FBLN7: variants seen among roughly 807,000 people sequenced by gnomAD.
FBLN7 encodes the protein fibulin 7.
In FBLN7, 31 loss-of-function variants were observed where a neutral mutation model predicts 44.0. The ratio of observed to expected loss-of-function variants is 0.70; its 90% confidence interval spans 0.53 to 0.95. FBLN7 has a LOEUF of 0.95. Ranked by LOEUF, FBLN7 falls within the 40% of genes least tolerant of loss-of-function variation. The pLI, the probability that FBLN7 is intolerant of heterozygous loss-of-function variation, is 0.00. For missense variants in FBLN7, 573 were observed against 618.5 expected (o/e 0.93, Z 0.78); for synonymous variants, 262 against 253.4 (o/e 1.03, Z -0.32).
chr2:112,211,855 A>C, the FBLN7 span: 1 of 152,224 alleles, frequency 6.6e-6, no homozygotes, highest in Non-Finnish European at 1.5e-5. Context: ...AGCACTTTTA[A>C]GATGAGTTGG....
intron 2 of FBLN7, among the ~76,000 whole-genome samples, chr2:112,160,103 G>C (rs1327516128): frequency 6.6e-6 from 1 of 152,148 alleles, no homozygotes; most frequent in Non-Finnish European, 1.5e-5. Flanking sequence ...CCATTCTCCT[G>C]CCTCAGCCTC....
At chr2:112,203,787 A>C in the FBLN7 span, among the ~76,000 whole-genome samples, 1 of 152,316 alleles carries the variant, frequency 6.6e-6, no homozygotes, top group East Asian at 1.9e-4. Flanking sequence ...GGCACTTCTT[A>C]CATGGCAGTG....
At position 112,181,787 on chromosome 2, in the gene FBLN7, C is replaced by T. The variant is rs747604486; in HGVS notation, c.581C>T (p.Pro194Leu). 1.4e-6 allele frequency: 2 copies of T among 1,454,392 alleles called. No homozygotes were observed. Among genetic ancestry groups the T allele is most frequent in the African/African-American group, 1.5e-5 (1 of 67,418 alleles). 90.1% of individuals were successfully genotyped at this position (1,454,392 alleles called of 1,614,324 possible). The change falls in exon 5 of 8, where the codon CCG (proline) becomes CTG (leucine). Residue 194 changes from proline to leucine, a missense_variant. Pro to Leu is a moderately conservative substitution (Grantham distance 98). Transcript: ENST00000331203. The stretch of plus-strand genomic sequence containing the variant: ...GGCGACTCCGCCTTCAGCCGCGCGC[C>T]GCGCTGTGCGCAGGTGGAGCGGGCT... ...VAGDSAFSRA[P>L]RCAQVERAQH...
chr2:112,190,807 G>A (rs536023594), downstream of FBLN7, among the ~76,000 whole-genome samples: 1 of 152,246 alleles, frequency 6.6e-6, no homozygotes, highest in African/African-American at 2.4e-5. Flanking sequence ...TAGACATCAA[G>A]GTCTGAGTGC....
At chr2:112,206,795 C>T in the FBLN7 span, among the ~76,000 whole-genome samples, 1 of 148,244 alleles carries the variant, frequency 6.7e-6, no homozygotes, top group Non-Finnish European at 1.5e-5. Context: ...TGCAGTGGCA[C>T]AATCACGACT....
intron 2 of FBLN7, among the ~76,000 whole-genome samples, chr2:112,160,042 G>C (rs1412624754): frequency 1.3e-5 from 2 of 151,962 alleles, no homozygotes; most frequent in Non-Finnish European, 2.9e-5. Context: ...CCAGGCTGGA[G>C]TGCAGTGGCG....
Position 112,185,229 on chromosome 2 carries a change from GGT to G in FBLN7, c.841_842del (p.Cys281ProfsTer19). On this transcript the variant is annotated frameshift_variant, in exon 7 of 8. Coordinates refer to ENST00000331203, the MANE Select transcript of FBLN7 (RefSeq NM_153214.3). LOFTEE classifies it high-confidence loss of function. ...TGGATGAATGTGTGGGCCTGCAGCC[GGT>G]GTGCCCCCAGGGGACCACATGCATC... Reference protein sequence around the residue: ...DVDECVGLQPVCPQGTTCINT... With the variant: ...DVDECVGLQPXCPQGTTCINT... 1.2e-6 allele frequency: 2 copies of G among 1,613,734 alleles called. No individual in the cohort carries two copies. The highest frequency in any genetic ancestry group is 1.7e-6 in the Non-Finnish European group (2 of 1,179,722).
chr2:112,204,041 A>G, the FBLN7 span, among the ~76,000 whole-genome samples: 2 of 152,148 alleles, frequency 1.3e-5, no homozygotes, highest in African/African-American at 4.8e-5. Flanking sequence ...CAGCTATTAT[A>G]AATATTTTCA....
chr2:112,160,722 GCA>G (rs1558879813), intron 2 of FBLN7, among the ~76,000 whole-genome samples: 2 of 106,092 alleles, frequency 1.9e-5, no homozygotes, highest in African/African-American at 7.5e-5. Flanking sequence ...ACAAGCACGC[GCA>G]CACGCACGCA....
Position 112,185,264 on chromosome 2 carries a change from G to A in FBLN7, c.872G>A (p.Gly291Asp), listed in dbSNP as rs374024290. ...CAGGGGACCACATGCATCAACACCG[G>A]TGGAAGCTTCCAGTGTGTCAGCCCT... ...CPQGTTCINT[G>D]GSFQCVSPEC... The change falls in exon 7 of 8, where the codon GGT becomes GAT. Residue 291 changes from glycine (G) to aspartate (D), a missense_variant. Gly to Asp is a moderately conservative substitution (Grantham distance 94). Transcript: ENST00000331203. 5.5e-5 allele frequency: 88 copies of A among 1,613,904 alleles called. No individual in the cohort carries two copies. Among genetic ancestry groups the A allele is most frequent in the Non-Finnish European group, 7.4e-5 (87 of 1,179,930 alleles).
the FBLN7 span, among the ~76,000 whole-genome samples, chr2:112,218,818 G>A: frequency 6.6e-6 from 1 of 152,120 alleles, no homozygotes; most frequent in Non-Finnish European, 1.5e-5. Flanking sequence ...ATCTATATAT[G>A]CAGATTTTAC....
the FBLN7 span, among the ~76,000 whole-genome samples, chr2:112,235,936 T>TAAA: frequency 1.7e-3 from 206 of 122,568 alleles, 3 homozygotes; most frequent in South Asian, 0.011. Flanking sequence ...AGTATAACAC[T>TAAA]AAAAAAAAAA....
intron 2 of FBLN7, among the ~76,000 whole-genome samples, chr2:112,160,770 GCAGACGCACACGCACGCACA>G (rs1681786655): frequency 2.8e-5 from 1 of 36,110 alleles, no homozygotes; most frequent in Non-Finnish European, 6.4e-5. Context: ...GCACGCACAC[GCAGACGCACACGCACGCACA>G]CGCACACACG....
chr2:112,165,024 C>G lies in FBLN7; in HGVS notation c.259C>G (p.Pro87Ala), dbSNP rs35747528. Residue 87 changes from proline (P) to alanine (A), a missense_variant, in exon 3 of 8, where the codon CCC becomes GCC. By Grantham distance (27) the Pro-to-Ala change is conservative. Transcript: ENST00000331203. ...AGTTTCCTGCCCGGCTCTGAACACC[C>G]CCGCAGACGGCAGAAAGTTTGGAAG... Reference protein sequence around the residue: ...LPVSCPALNTPADGRKFGSKY... With the variant: ...LPVSCPALNTAADGRKFGSKY... 6,309 of 1,614,164 alleles carry G rather than the reference C, an allele frequency of 3.9e-3. 14 individuals carry two copies. Among genetic ancestry groups the G allele is most frequent in the Non-Finnish European group, 4.8e-3 (5,616 of 1,180,020 alleles).
intron 1 of FBLN7, among the ~76,000 whole-genome samples, chr2:112,157,378 A>T (rs954430523): frequency 3.9e-5 from 6 of 152,146 alleles, no homozygotes; most frequent in Non-Finnish European, 7.3e-5. Flanking sequence ...TCATTAAAAA[A>T]AAATTAAATT....
the FBLN7 span, among the ~76,000 whole-genome samples, chr2:112,211,093 C>A: frequency 6.6e-6 from 1 of 152,212 alleles, no homozygotes; most frequent in African/African-American, 2.4e-5. Context: ...GTCCTAGATG[C>A]ATGGCAGTTT....
chr2:112,157,574 T>C (rs1467796643), intron 1 of FBLN7, among the ~76,000 whole-genome samples: 2 of 152,112 alleles, frequency 1.3e-5, no homozygotes, highest in Non-Finnish European at 2.9e-5. Context: ...CCCTCCCCAC[T>C]TGATTCACCC....
the FBLN7 span, among the ~76,000 whole-genome samples, chr2:112,226,173 T>A: frequency 6.6e-6 from 1 of 150,626 alleles, no homozygotes; most frequent in Admixed American, 6.6e-5. Flanking sequence ...GTAGACAACT[T>A]AGATGAAATA....
the FBLN7 span, among the ~76,000 whole-genome samples, chr2:112,219,326 A>G: frequency 2.0e-5 from 3 of 152,224 alleles, no homozygotes; most frequent in Admixed American, 1.3e-4. Context: ...AGACCATTCA[A>G]TGAAGGAAGG....
Sources: allele counts gnomAD v4.1 joint callset (sites outside exome capture counted in the v4.1 genomes callset), GRCh38; gene constraint gnomAD v4.1.1; transcripts MANE v1.5; gene names NCBI Gene and HGNC (gene_info 2026-07-23, HGNC 2026-07-21).